ASIC2: variants seen among roughly 807,000 people sequenced by gnomAD.
ASIC2 encodes the protein acid-sensing ion channel 2.
ASIC2 carries 25 observed loss-of-function variants against 57.3 expected under a neutral mutation model. That is an observed-to-expected ratio of 0.44 (90% confidence interval 0.32 to 0.61). The LOEUF is 0.61. Ranked by LOEUF, ASIC2 falls within the 20% of genes least tolerant of loss-of-function variation. The pLI, the probability that ASIC2 is intolerant of heterozygous loss-of-function variation, is 0.06. For missense variants in ASIC2, 641 were observed against 738.1 expected, an observed-to-expected ratio of 0.87 and a Z score of 1.52; for synonymous variants, 319 against 307.5, an observed-to-expected ratio of 1.04 and a Z score of -0.39.
chr17:33,262,042 G>A (rs1442184604), intron 1 of ASIC2, among the ~76,000 whole-genome samples: 2 of 152,218 alleles, frequency 1.3e-5, no homozygotes, highest in East Asian at 1.9e-4. Context: ...GCTGGCGCAC[G>A]ACCGGGTTGT....
chr17:33,098,484 G>GA (rs981719064), intron 2 of ASIC2, among the ~76,000 whole-genome samples: 22 of 152,060 alleles, frequency 1.4e-4, no homozygotes, highest in African/African-American at 4.6e-4. Context: ...TCTGGAGGAA[G>GA]AAAAAAAATC....
intron 1 of ASIC2, among the ~76,000 whole-genome samples, chr17:33,701,431 A>T (rs778774270): frequency 6.6e-6 from 1 of 152,182 alleles, no homozygotes; most frequent in Non-Finnish European, 1.5e-5. Context: ...TAAGGAAATA[A>T]TTGTCTTCTA....
At chr17:33,468,928 C>A (rs905839490) in intron 1 of ASIC2, among the ~76,000 whole-genome samples, 1 of 152,038 alleles carries the variant, frequency 6.6e-6, no homozygotes, top group Non-Finnish European at 1.5e-5. Context: ...GCGGACTGGA[C>A]AATGGGGAAT....
chr17:33,846,456 T>G (rs1266538087), intron 1 of ASIC2, among the ~76,000 whole-genome samples: 1 of 152,122 alleles, frequency 6.6e-6, no homozygotes, highest in Non-Finnish European at 1.5e-5. Context: ...CCTTCATAAT[T>G]GGCCTTGTTC....
At chr17:34,016,302 TAGTCAC>T (rs1354921023) in intron 1 of ASIC2, among the ~76,000 whole-genome samples, 1 of 151,290 alleles carries the variant, frequency 6.6e-6, no homozygotes, top group Non-Finnish European at 1.5e-5. Context: ...TGGGCACCTG[TAGTCAC>T]AGCTACTCGG....
At chr17:34,023,003 C>T (rs1227858381) in intron 1 of ASIC2, among the ~76,000 whole-genome samples, 1 of 152,066 alleles carries the variant, frequency 6.6e-6, no homozygotes, top group Admixed American at 6.6e-5. Context: ...TCTCTGGCCA[C>T]GTAAGACATG....
intron 1 of ASIC2, among the ~76,000 whole-genome samples, chr17:33,699,526 G>A (rs557846809): frequency 1.3e-5 from 2 of 152,278 alleles, no homozygotes; most frequent in Admixed American, 6.5e-5. Flanking sequence ...CATGTCCATA[G>A]AATAGCAACA....
chr17:33,093,672 G>T (rs1204122315), intron 2 of ASIC2, among the ~76,000 whole-genome samples: 1 of 152,158 alleles, frequency 6.6e-6, no homozygotes, highest in Non-Finnish European at 1.5e-5. Flanking sequence ...GATCTACCTG[G>T]CCAGGGAGGG....
Position 34,096,856 on chromosome 17 carries a change from CAAAAA to C in ASIC2, c.555+59117_555+59121del, listed in dbSNP as rs71286247. Among the ~76,000 whole-genome samples, 14 of 30,112 alleles carry C rather than the reference CAAAAA, an allele frequency of 4.6e-4. No homozygotes were observed. The East Asian group carries it at 0.013, about 28-fold the overall frequency. 19.8% of individuals were successfully genotyped at this position (30,112 alleles called of 152,430 possible). A position where few individuals can be genotyped will look rare whatever the true frequency, so the allele number is the denominator to read the frequency against. On this transcript the variant is annotated intron_variant, in intron 1 of 9. Transcript: ENST00000359872. ...TGGGTGACAGGGTGAGACTCCATCT[CAAAAA>C]AAAAAAAAAAAAAAAAAAAAAAAAG...
intron 3 of ASIC2, among the ~76,000 whole-genome samples, chr17:33,042,015 GA>G (rs2091931930): frequency 6.6e-6 from 1 of 152,170 alleles, no homozygotes; most frequent in Non-Finnish European, 1.5e-5. Flanking sequence ...CACCCAGTTG[GA>G]GGGCAAATCA....
intron 1 of ASIC2, among the ~76,000 whole-genome samples, chr17:33,988,606 G>A (rs1003510058): frequency 6.6e-6 from 1 of 151,946 alleles, no homozygotes; most frequent in African/African-American, 2.4e-5. Flanking sequence ...TTTCCCCTAA[G>A]TTGCTCCCAT....
intron 1 of ASIC2, among the ~76,000 whole-genome samples, chr17:33,810,809 T>C (rs1912396367): frequency 6.6e-6 from 1 of 152,154 alleles, no homozygotes; most frequent in Non-Finnish European, 1.5e-5. Context: ...AGGATTAGCA[T>C]GTGGCACCCT....
chr17:33,182,565 T>C (rs1906026312), intron 1 of ASIC2, among the ~76,000 whole-genome samples: 1 of 152,180 alleles, frequency 6.6e-6, no homozygotes, highest in African/African-American at 2.4e-5. Context: ...GTAATTTTGA[T>C]TTGTTCTTTT....
At chr17:33,862,621 T>C (rs563822064) in intron 1 of ASIC2, among the ~76,000 whole-genome samples, 1 of 152,338 alleles carries the variant, frequency 6.6e-6, no homozygotes, top group Non-Finnish European at 1.5e-5. Flanking sequence ...CATCTACTTA[T>C]GTGTCTGCAG....
intron 1 of ASIC2, among the ~76,000 whole-genome samples, chr17:33,180,800 A>G (rs192563878): frequency 2.6e-5 from 4 of 152,076 alleles, no homozygotes; most frequent in Non-Finnish European, 2.9e-5. Context: ...CCATATCCGG[A>G]GCCTGTGTGT....
intron 1 of ASIC2, among the ~76,000 whole-genome samples, chr17:33,664,050 T>C (rs1179279460): frequency 6.6e-6 from 1 of 152,148 alleles, no homozygotes; most frequent in African/African-American, 2.4e-5. Flanking sequence ...ATGCGTCCTA[T>C]AAAATTCTCC....
intron 1 of ASIC2, among the ~76,000 whole-genome samples, chr17:33,531,372 T>G (rs1297790654): frequency 2.0e-5 from 3 of 152,168 alleles, no homozygotes; most frequent in African/African-American, 7.2e-5. Context: ...CCTGACATCT[T>G]GAGCAGACCA....
intron 1 of ASIC2, among the ~76,000 whole-genome samples, chr17:33,386,804 TC>T (rs1909698195): frequency 6.6e-6 from 1 of 152,198 alleles, no homozygotes; most frequent in African/African-American, 2.4e-5. Flanking sequence ...CTCGCAGACT[TC>T]CTGCGTGTCT....
At chr17:33,786,801 C>A (rs1159953049) in intron 1 of ASIC2, among the ~76,000 whole-genome samples, 2 of 152,122 alleles carry the variant, frequency 1.3e-5, no homozygotes, top group Non-Finnish European at 2.9e-5. Flanking sequence ...TACTACAAGT[C>A]ACCCCTCAGG....
Sources: gnomAD v4.1 joint callset for allele counts (sites outside exome capture counted in the v4.1 genomes callset) on GRCh38, gnomAD v4.1.1 for gene constraint, MANE v1.5 for transcripts, NCBI Gene and HGNC (gene_info 2026-07-23, HGNC 2026-07-21) for gene names.